Variants in DPP6 observed in about 807,000 individuals in gnomAD.
DPP6 encodes the protein dipeptidyl peptidase like 6.
DPP6 carries 69 observed loss-of-function variants against 122.6 expected under a neutral mutation model. The ratio of observed to expected loss-of-function variants is 0.56; its 90% CI spans 0.46 to 0.69. The LOEUF is 0.69. Ranked by LOEUF, DPP6 falls within the 30% of genes least tolerant of loss-of-function variation. The pLI, the probability that DPP6 is intolerant of heterozygous loss-of-function variation, is 0.00. For missense variants in DPP6, 928 were observed against 1,116.9 expected, an observed-to-expected ratio of 0.83 and a Z score of 2.41; for synonymous variants, 418 against 433.1, an observed-to-expected ratio of 0.97 and a Z score of 0.43.
At chr7:153,890,429 T>C (rs1799138099) in intron 1 of DPP6, among the ~76,000 whole-genome samples, 1 of 152,256 alleles carries the variant, frequency 6.6e-6, no homozygotes, top group African/African-American at 2.4e-5. Flanking sequence ...TGCAGCCTGT[T>C]GTTTCACCGG....
At chr7:154,263,441 A>G (rs1161988187) in intron 1 of DPP6, among the ~76,000 whole-genome samples, 1 of 152,200 alleles carries the variant, frequency 6.6e-6, no homozygotes, top group Non-Finnish European at 1.5e-5. Flanking sequence ...TCATCGCCTC[A>G]ATGACAGAAG....
At chr7:154,033,017 G>C (rs61364967) in intron 1 of DPP6, among the ~76,000 whole-genome samples, 42,803 of 151,842 alleles carry the variant, frequency 0.28, 6,125 homozygotes, top group African/African-American at 0.32. Flanking sequence ...TTATACACCT[G>C]TAGCTCTGGG....
Position 154,879,452 on chromosome 7 carries a change from A to C in DPP6, c.2079-1436A>C, listed in dbSNP as rs373027531. ...AAAAATACAAAAAATTAGCCGGGCG[A>C]GGTGGCGGGCACCTGTAGTCCCAGC... On this transcript the variant is annotated intron_variant, in intron 20 of 25. Coordinates refer to ENST00000377770, the MANE Select transcript of DPP6 (RefSeq NM_130797.4). 5.9e-5 allele frequency among the ~76,000 whole-genome samples: 8 copies of C among 134,566 alleles called. 3 individuals are homozygous for C. The highest frequency in any genetic ancestry group is 5.5e-4 in the Admixed American group (7 of 12,712). The allele number at this position is 134,566 out of a possible 152,430, so 88.3% of individuals were successfully genotyped here. A position where few individuals can be genotyped will look rare whatever the true frequency, so the allele number is the denominator to read the frequency against.
At chr7:154,087,252 G>C (rs1323615680) in intron 1 of DPP6, among the ~76,000 whole-genome samples, 1 of 151,982 alleles carries the variant, frequency 6.6e-6, no homozygotes. Flanking sequence ...AGTGGTGTGA[G>C]ATGAAGCTGA....
At chr7:154,076,651 C>A (rs1342581800) in intron 1 of DPP6, among the ~76,000 whole-genome samples, 1 of 150,844 alleles carries the variant, frequency 6.6e-6, no homozygotes, top group East Asian at 2.0e-4. Flanking sequence ...CAAGGTGGAT[C>A]ACAGATTGAG....
intron 5 of DPP6, among the ~76,000 whole-genome samples, chr7:154,617,285 A>G (rs1834323278): frequency 6.6e-6 from 1 of 152,230 alleles, no homozygotes; most frequent in Non-Finnish European, 1.5e-5. Context: ...CCACTCTGGA[A>G]GCAGAAGAAG....
chr7:154,377,102 A>T (rs1813195826), intron 1 of DPP6, among the ~76,000 whole-genome samples: 1 of 152,054 alleles, frequency 6.6e-6, no homozygotes, highest in Non-Finnish European at 1.5e-5. Flanking sequence ...TCTTGCATGA[A>T]CTCATAATGC....
intron 5 of DPP6, among the ~76,000 whole-genome samples, chr7:154,628,883 C>T (rs951223661): frequency 4.6e-5 from 7 of 152,230 alleles, no homozygotes; most frequent in African/African-American, 1.4e-4. Flanking sequence ...TGGCAATTCG[C>T]GAAGTATTTC....
At chr7:154,856,164 T>C (rs1291235501) in intron 17 of DPP6, among the ~76,000 whole-genome samples, 3 of 152,268 alleles carry the variant, frequency 2.0e-5, no homozygotes, top group African/African-American at 7.2e-5. Context: ...CTTTCAGCTT[T>C]GAAAAATATG....
chr7:153,839,485 G>A, the DPP6 span, among the ~76,000 whole-genome samples: 1 of 152,334 alleles, frequency 6.6e-6, no homozygotes, highest in East Asian at 1.9e-4. Flanking sequence ...AGGCACACGT[G>A]TGCACACTTA....
chr7:154,681,376 C>T (rs1362700934), intron 7 of DPP6, among the ~76,000 whole-genome samples: 1 of 152,196 alleles, frequency 6.6e-6, no homozygotes, highest in African/African-American at 2.4e-5. Flanking sequence ...GAATTTAAAG[C>T]AGGACCAGAG....
intron 3 of DPP6, among the ~76,000 whole-genome samples, chr7:154,503,570 G>T (rs973969372): frequency 8.5e-5 from 13 of 152,202 alleles, no homozygotes; most frequent in African/African-American, 3.1e-4. Flanking sequence ...TGCGATTATT[G>T]TTTGACTTTA....
chr7:154,197,916 T>C (rs113405771), intron 1 of DPP6, among the ~76,000 whole-genome samples: 4,882 of 152,182 alleles, frequency 0.032, 290 homozygotes, highest in African/African-American at 0.11. Flanking sequence ...AGAATTTCAT[T>C]CCAGCAGGAG....
chr7:154,885,757 G>T lies in DPP6; in HGVS notation c.2245+13G>T, dbSNP rs955385882. The T allele has an allele frequency of 1.9e-6, 3 of 1,572,280 alleles. No homozygotes were observed. The highest frequency in any genetic ancestry group is 2.6e-6 in the Non-Finnish European group (3 of 1,158,750). On this transcript the variant is annotated intron_variant, in intron 22 of 25. Transcript: ENST00000377770. ...TTCAAACTCTATGGTAAATAGCCCT[G>T]CAGGACCAAGCGACGGGCTCTGCTC...
At chr7:154,705,184 T>G (rs1308769828) in intron 7 of DPP6, among the ~76,000 whole-genome samples, 1 of 152,112 alleles carries the variant, frequency 6.6e-6, no homozygotes, top group Non-Finnish European at 1.5e-5. Context: ...AGTGGATATA[T>G]TTGTCAGGAT....
At chr7:153,889,910 T>A (rs562088958) in intron 1 of DPP6, among the ~76,000 whole-genome samples, 1 of 152,360 alleles carries the variant, frequency 6.6e-6, no homozygotes, top group Admixed American at 6.5e-5. Flanking sequence ...TGTAACTTAT[T>A]TGAATTTTCA....
chr7:154,530,263 G>T (rs1335369078), intron 3 of DPP6, among the ~76,000 whole-genome samples: 1 of 152,122 alleles, frequency 6.6e-6, no homozygotes, highest in Non-Finnish European at 1.5e-5. Context: ...AATTCTAGGA[G>T]AGAAAATGGA....
rs67950621 is a variant in DPP6, at chr7:154,078,946, CAAAAAAAAAAAA to C, written c.243+25896_243+25907del. On this transcript the variant is annotated intron_variant, in intron 1 of 25. Coordinates refer to ENST00000377770, the MANE Select transcript of DPP6 (RefSeq NM_130797.4). ...AAGGAAGTGAAAATACATTCTTTTCCAAAAAAAAAAAAAAAAAAAAAAAATACCTGGGCCGGG... is the reference window on the plus strand; with the variant it reads ...AAGGAAGTGAAAATACATTCTTTTCCAAAAAAAAAAAATACCTGGGCCGGG... Among the ~76,000 whole-genome samples the C allele has an allele frequency of 2.1e-3, 234 of 112,596 alleles. 2 individuals carry two copies. In the South Asian group the frequency reaches 0.034, roughly 16 times the overall value. The allele number at this position is 112,596 out of a possible 152,430, so 73.9% of individuals were successfully genotyped here.
chr7:154,314,097 C>G (rs2151004477), intron 1 of DPP6, among the ~76,000 whole-genome samples: 1 of 152,186 alleles, frequency 6.6e-6, no homozygotes, highest in East Asian at 1.9e-4. Flanking sequence ...CTTGACTTGC[C>G]AATAGCTAAC....
Sources: gnomAD v4.1 joint callset for allele counts (sites outside exome capture counted in the v4.1 genomes callset) on GRCh38, gnomAD v4.1.1 for gene constraint, MANE v1.5 for transcripts, NCBI Gene and HGNC (gene_info 2026-07-23, HGNC 2026-07-21) for gene names.